The following DPYD variants were observed in gnomAD, a reference collection of about 807,000 sequenced individuals.
DPYD encodes the protein dihydropyrimidine dehydrogenase, also known as dihydropyrimidine dehydrogenase [NADP(+)].
In DPYD, 109 loss-of-function variants were observed where a neutral mutation model predicts 116.2. That is an observed-to-expected ratio of 0.94 (90% CI 0.80 to 1.10). DPYD has a LOEUF of 1.10. DPYD is among the 50% of genes least tolerant of loss of function. DPYD has a pLI of 0.00. For missense variants in DPYD, 1,302 were observed against 1,254.5 expected, an observed-to-expected ratio of 1.04 and a Z score of -0.57; for synonymous variants, 440 against 432.0, an observed-to-expected ratio of 1.02 and a Z score of -0.23.
chr1:97,244,102 T>C (rs771137495), intron 18 of DPYD, among the ~76,000 whole-genome samples: 3 of 151,968 alleles, frequency 2.0e-5, no homozygotes, highest in Non-Finnish European at 4.4e-5. Context: ...TTACTAGGCA[T>C]AATTAGTCTA....
At chr1:97,522,563 C>T (rs1648761609) in intron 12 of DPYD, among the ~76,000 whole-genome samples, 1 of 151,784 alleles carries the variant, frequency 6.6e-6, no homozygotes, top group Admixed American at 6.6e-5. Flanking sequence ...ACTAAAAATA[C>T]AAAAAATTAG....
intron 7 of DPYD, 145 bp from the exon 8 acceptor site, chr1:97,679,327 A>C (rs985360182): frequency 5.5e-6 from 3 of 540,548 alleles, no homozygotes; most frequent in Non-Finnish European, 1.0e-5. Flanking sequence ...CTTTTAGTAT[A>C]TAGGTTTACA....
intron 8 of DPYD, among the ~76,000 whole-genome samples, chr1:97,639,536 T>C (rs1431613052): frequency 1.3e-5 from 2 of 152,252 alleles, no homozygotes; most frequent in East Asian, 1.9e-4. Flanking sequence ...TTTTTAAAAG[T>C]ATAAATAAGA....
At chr1:97,701,737 G>C (rs1159250101) in intron 5 of DPYD, among the ~76,000 whole-genome samples, 3 of 151,576 alleles carry the variant, frequency 2.0e-5, no homozygotes, top group Non-Finnish European at 4.4e-5. Context: ...AGTATTATAG[G>C]GTCAATTTCT....
chr1:97,225,873 T>C (rs958465884), intron 19 of DPYD, among the ~76,000 whole-genome samples: 1 of 152,126 alleles, frequency 6.6e-6, no homozygotes, highest in Non-Finnish European at 1.5e-5. Flanking sequence ...CTTTAATTCA[T>C]TTTGAGTTTG....
chr1:97,431,333 T>A (rs1291634054), intron 14 of DPYD, among the ~76,000 whole-genome samples: 1 of 152,102 alleles, frequency 6.6e-6, no homozygotes, highest in East Asian at 1.9e-4. Flanking sequence ...CCTAGCAATG[T>A]GATTGAGAAT....
chr1:97,720,218 T>C, intron 5 of DPYD: 1 of 984,730 alleles, frequency 1.0e-6, no homozygotes. Flanking sequence ...ACCAGATCAA[T>C]TACTAATGAT....
intron 15 of DPYD, among the ~76,000 whole-genome samples, chr1:97,378,449 C>T (rs748128631): frequency 1.3e-5 from 2 of 152,230 alleles, no homozygotes; most frequent in South Asian, 2.1e-4. Flanking sequence ...ATTTTGGCCC[C>T]GCCAGGAATA....
At chr1:97,682,824 A>G (rs1660496915) in intron 7 of DPYD, among the ~76,000 whole-genome samples, 1 of 152,082 alleles carries the variant, frequency 6.6e-6, no homozygotes, top group South Asian at 2.1e-4. Flanking sequence ...GACTTTAGTA[A>G]CATATTATTA....
intron 5 of DPYD, among the ~76,000 whole-genome samples, chr1:97,719,165 CAAAAAAA>C (rs1005459699): frequency 6.6e-4 from 32 of 48,200 alleles, no homozygotes; most frequent in African/African-American, 2.7e-3. Context: ...CCAACCCTGC[CAAAAAAA>C]AAAAAAAAAA....
At chr1:97,384,558 AT>A in intron 14 of DPYD, among the ~76,000 whole-genome samples, 1 of 152,252 alleles carries the variant, frequency 6.6e-6, no homozygotes, top group South Asian at 2.1e-4. Context: ...TTTTAAGAAG[AT>A]TAAGTAGAAA....
chr1:97,798,196 T>C (rs891187448), intron 3 of DPYD: 12 of 152,118 alleles, frequency 7.9e-5, no homozygotes. Flanking sequence ...AACCTATATG[T>C]AGAGTCCTTT....
At chr1:97,443,942 C>T (rs1329073843) in intron 14 of DPYD, among the ~76,000 whole-genome samples, 4 of 152,200 alleles carry the variant, frequency 2.6e-5, no homozygotes, top group Non-Finnish European at 4.4e-5. Context: ...TCCTCGCTTG[C>T]AGGACACCTA....
At chr1:97,164,773 AG>A (rs1656191974) in intron 20 of DPYD, among the ~76,000 whole-genome samples, 1 of 152,176 alleles carries the variant, frequency 6.6e-6, no homozygotes, top group Non-Finnish European at 1.5e-5. Flanking sequence ...AATAAATCAG[AG>A]ATGACACAAA....
intron 16 of DPYD, among the ~76,000 whole-genome samples, chr1:97,343,324 T>C (rs1318519006): frequency 6.6e-6 from 1 of 152,082 alleles, no homozygotes; most frequent in Non-Finnish European, 1.5e-5. Flanking sequence ...CAAGTAAAGA[T>C]TGCCAACTGA....
At chr1:97,362,058 T>C (rs1009381847) in intron 16 of DPYD, among the ~76,000 whole-genome samples, 1 of 152,182 alleles carries the variant, frequency 6.6e-6, no homozygotes, top group African/African-American at 2.4e-5. Flanking sequence ...GAAAACCCCA[T>C]AGTCTCAGCC....
At chr1:97,326,819 C>A (rs1281664487) in intron 16 of DPYD, among the ~76,000 whole-genome samples, 1 of 151,912 alleles carries the variant, frequency 6.6e-6, no homozygotes, top group Non-Finnish European at 1.5e-5. Flanking sequence ...TTAATCTGAA[C>A]TATCAGAGTC....
At chr1:97,433,259 C>T (rs1388446599) in intron 14 of DPYD, among the ~76,000 whole-genome samples, 3 of 152,160 alleles carry the variant, frequency 2.0e-5, no homozygotes, top group East Asian at 1.9e-4. Context: ...CTTGGCTTTA[C>T]ATTTGGTTGA....
chr1:97,607,500 T>G (rs1252298051), intron 8 of DPYD, among the ~76,000 whole-genome samples: 1 of 151,870 alleles, frequency 6.6e-6, no homozygotes, highest in African/African-American at 2.4e-5. Context: ...ATAAACAGAT[T>G]TGAAAATTGT....
Sources: gnomAD v4.1 joint callset for allele counts (sites outside exome capture counted in the v4.1 genomes callset) on GRCh38, gnomAD v4.1.1 for gene constraint, MANE v1.5 for transcripts, NCBI Gene and HGNC (gene_info 2026-07-23, HGNC 2026-07-21) for gene names.